NRG2: variants seen among roughly 807,000 people sequenced by gnomAD.
NRG2 encodes neuregulin 2, also known as pro-neuregulin-2, membrane-bound isoform.
A neutral mutation model predicts 73.9 loss-of-function variants in NRG2; 27 were observed. The ratio of observed to expected loss-of-function variants is 0.37; its 90% CI spans 0.27 to 0.50. NRG2 has a LOEUF of 0.50. Ranked by LOEUF, NRG2 falls within the 20% of genes least tolerant of loss-of-function variation. The probability of loss-of-function intolerance (pLI) is 0.96; values close to 1 mark genes in which losing one functional copy is unlikely to be tolerated. For missense variants in NRG2, 1,126 were observed against 1,210.1 expected, an observed-to-expected ratio of 0.93 and a Z score of 1.03; for synonymous variants, 532 against 541.0, an observed-to-expected ratio of 0.98 and a Z score of 0.23.
chr5:140,006,322 C>T (rs1026309424), intron 1 of NRG2, among the ~76,000 whole-genome samples: 1 of 152,144 alleles, frequency 6.6e-6, no homozygotes, highest in African/African-American at 2.4e-5. Context: ...ACAGATTGCC[C>T]CAATTTGGCT....
At position 139,851,827 on chromosome 5, in the gene NRG2, C is replaced by T. The variant is rs199629334; in HGVS notation, c.1549G>A (p.Glu517Lys). 128 of 1,613,916 alleles carry T rather than the reference C, an allele frequency of 7.9e-5. No individual in the cohort carries two copies. Among genetic ancestry groups the T allele is most frequent in the Middle Eastern group, 1.6e-4 (1 of 6,084 alleles). Reference sequence around the variant, plus strand: ...CGTTCCAGGCTCCACGTGTGGCTCTCGTGTCTGGGAAGGCCAGATGGGGTG... The same window carrying T: ...CGTTCCAGGCTCCACGTGTGGCTCTTGTGTCTGGGAAGGCCAGATGGGGTG... ...TATPTSSHRH[E>K]SHTWSLERSE... is the part of the protein sequence containing the mutation. The change falls in exon 9 of 10, where the codon GAG becomes AAG. Residue 517 changes from glutamate (E) to lysine (K), a missense_variant. By Grantham distance (56) the Glu-to-Lys change is moderately conservative. Around this residue, in one of 3 missense-constraint regions of NRG2, gnomAD observed 539 missense variants for 703.2 expected, o/e 0.77. Transcript: ENST00000361474. This position sits in a 1 kb window ranked among gnomAD's most constrained non-coding sequence, Gnocchi z 4.2.
chr5:139,974,285 T>G lies in NRG2; in HGVS notation c.700+68085A>C, dbSNP rs929574142. 2.7e-5 allele frequency among the ~76,000 whole-genome samples: 4 copies of G among 150,566 alleles called. 1 individual carries two copies. The highest frequency in any genetic ancestry group is 9.8e-5 in the African/African-American group (4 of 40,946). On this transcript the variant is annotated intron_variant, in intron 1 of 9. Coordinates refer to ENST00000361474, the MANE Select transcript of NRG2 (RefSeq NM_004883.3). Reference sequence around the variant, plus strand: ...ACAAAAGGCTATGATGTGACAAGGATCCAAGATTTCCCCCTTTTCCTCTTC... The same window carrying G: ...ACAAAAGGCTATGATGTGACAAGGAGCCAAGATTTCCCCCTTTTCCTCTTC...
At chr5:139,963,718 C>A (rs1225339177) in intron 1 of NRG2, among the ~76,000 whole-genome samples, 2 of 152,210 alleles carry the variant, frequency 1.3e-5, no homozygotes, top group Non-Finnish European at 2.9e-5. Context: ...AGACTCTCGT[C>A]TGCCTGACTC....
In NRG2 at chr5:139,954,222, C is replaced by A. The variant is rs1025788278; in HGVS notation, c.701-66711G>T. ...ACCGTGGAGGAGAAATCCAGCCCAA[C>A]CCAGGTCACGGTCACAGCCCTGAGC... On this transcript the variant is annotated intron_variant, in intron 1 of 9. Coordinates refer to ENST00000361474, the MANE Select transcript of NRG2 (RefSeq NM_004883.3). The surrounding 1 kb of genome is among the most constrained non-coding windows in gnomAD (Gnocchi z 5.0). 1.3e-5 allele frequency among the ~76,000 whole-genome samples: 2 copies of A among 152,166 alleles called. No individual in the cohort carries two copies. The highest frequency in any genetic ancestry group is 2.9e-5 in the Non-Finnish European group (2 of 68,038).
chr5:139,980,826 G>A (rs917207445), intron 1 of NRG2, among the ~76,000 whole-genome samples: 1 of 152,150 alleles, frequency 6.6e-6, no homozygotes, highest in Non-Finnish European at 1.5e-5. Flanking sequence ...AGCTTGTCAG[G>A]CAACTCCCTT....
At chr5:139,938,883 G>GAAAGAAA (rs1440572917) in intron 1 of NRG2, among the ~76,000 whole-genome samples, 1 of 48,168 alleles carries the variant, frequency 2.1e-5, no homozygotes, top group African/African-American at 9.9e-5. Context: ...AGAGAGAGAA[G>GAAAGAAA]GAAAGAAAGA....
chr5:139,878,181 G>A (rs906968668), intron 3 of NRG2, among the ~76,000 whole-genome samples: 1 of 152,194 alleles, frequency 6.6e-6, no homozygotes, highest in African/African-American at 2.4e-5. Context: ...GCACCCCTTC[G>A]GGGAAGTGCT....
rs151015170 is a variant in NRG2 at position 139,860,210 on chromosome 5, C to T, written c.1190-4432G>A. Among the ~76,000 whole-genome samples the T allele has an allele frequency of 4.6e-4, 70 of 152,154 alleles. No individual in the cohort carries two copies. The East Asian group carries it at 0.012, about 25-fold the overall frequency. ...TTAGTACCTGGTGGCGAGGCAGAGG[C>T]GCAAGAGTCAGTTGGCAAATGTCCC... On this transcript the variant is annotated intron_variant, in intron 5 of 9. Coordinates refer to ENST00000361474, the MANE Select transcript of NRG2 (RefSeq NM_004883.3).
intron 1 of NRG2, among the ~76,000 whole-genome samples, chr5:139,990,079 T>A (rs1365881209): frequency 6.6e-6 from 1 of 151,746 alleles, no homozygotes; most frequent in Non-Finnish European, 1.5e-5. Context: ...TGAGCCACTG[T>A]GCCTGGCCTT....
At chr5:139,877,198 G>A (rs550977729) in intron 3 of NRG2, among the ~76,000 whole-genome samples, 4 of 152,288 alleles carry the variant, frequency 2.6e-5, no homozygotes, top group South Asian at 2.1e-4. Context: ...TGTTAGCACC[G>A]CAAACTTCCT....
intron 1 of NRG2, among the ~76,000 whole-genome samples, chr5:139,907,862 G>A (rs1451327996): frequency 2.0e-5 from 3 of 152,202 alleles, no homozygotes; most frequent in Admixed American, 1.3e-4. Flanking sequence ...GAGCAGACCA[G>A]GTTTATGTTA....
rs143511070 is a variant in NRG2, at chr5:139,955,233, G to A, written c.701-67722C>T. Among the ~76,000 whole-genome samples, 4 of 152,308 alleles carry A rather than the reference G, an allele frequency of 2.6e-5. No homozygotes were observed. The East Asian group carries it at 7.7e-4, about 29-fold the overall frequency. ...CCATCAAGGAACAGGGGCAGGGTCA[G>A]TATTGAGGGACAGGAGGGCTTCTCA... On this transcript the variant is annotated intron_variant, in intron 1 of 9. Transcript: ENST00000361474.
At chr5:139,988,900 A>G (rs1225132257) in intron 1 of NRG2, among the ~76,000 whole-genome samples, 1 of 151,938 alleles carries the variant, frequency 6.6e-6, no homozygotes, top group Non-Finnish European at 1.5e-5. Context: ...CCATATGGGA[A>G]ATCTCTGTAC....
intron 1 of NRG2, among the ~76,000 whole-genome samples, chr5:139,921,882 C>T (rs1181935627): frequency 2.6e-5 from 4 of 151,706 alleles, no homozygotes; most frequent in South Asian, 2.1e-4. Context: ...GGCAACAGAG[C>T]GAAACACCAA....
At chr5:139,993,892 G>A (rs781472820) in intron 1 of NRG2, among the ~76,000 whole-genome samples, 9 of 152,268 alleles carry the variant, frequency 5.9e-5, no homozygotes, top group African/African-American at 1.9e-4. Context: ...ATGAAAGGAC[G>A]CAAGCCAAAG....
chr5:140,002,533 G>A (rs914364865), intron 1 of NRG2, among the ~76,000 whole-genome samples: 7 of 152,192 alleles, frequency 4.6e-5, no homozygotes, highest in Non-Finnish European at 2.9e-5. Context: ...CTGGAGACAG[G>A]AACATGTCTG....
chr5:139,927,055 G>T (rs1277589935), intron 1 of NRG2, among the ~76,000 whole-genome samples: 1 of 152,214 alleles, frequency 6.6e-6, no homozygotes. Flanking sequence ...CAGGGAAGGA[G>T]TCCAGGGCCT....
At position 139,904,295 on chromosome 5, in the gene NRG2, G is replaced by T; in HGVS notation, c.701-16784C>A. 6.3e-7 allele frequency: 1 copy of T among 1,587,184 alleles called. No individual in the cohort carries two copies. The highest frequency in any genetic ancestry group is 1.1e-5 in the South Asian group (1 of 89,242). On this transcript the variant is annotated intron_variant, in intron 1 of 9. Coordinates refer to ENST00000361474, the MANE Select transcript of NRG2 (RefSeq NM_004883.3). The surrounding 1 kb of genome is among the most constrained non-coding windows in gnomAD (Gnocchi z 6.0). ...GGGAAACCGGGTTTCTGGGCGCGCGGAGGTGCCCTACCTTTCTCCCCGGGA... is the reference window on the plus strand; with the variant it reads ...GGGAAACCGGGTTTCTGGGCGCGCGTAGGTGCCCTACCTTTCTCCCCGGGA...
At chr5:139,938,884 GAAA>G (rs1753081966) in intron 1 of NRG2, among the ~76,000 whole-genome samples, 2 of 44,374 alleles carry the variant, frequency 4.5e-5, no homozygotes, top group Non-Finnish European at 7.9e-5. Context: ...GAGAGAGAAG[GAAA>G]GAAAGAAAGA....
Sources: gnomAD v4.1 joint callset for allele counts (sites outside exome capture counted in the v4.1 genomes callset) on GRCh38, gnomAD v4.1.1 for gene constraint, gnomAD v4.1.1 regional missense constraint, Gnocchi (gnomAD v3.1) non-coding constraint, MANE v1.5 for transcripts, NCBI Gene and HGNC (gene_info 2026-07-23, HGNC 2026-07-21) for gene names.